POLQ: variants seen among roughly 807,000 people sequenced by gnomAD.
The protein encoded by POLQ is DNA polymerase theta.
A neutral mutation model predicts 259.2 loss-of-function variants in POLQ; 233 were observed. That is an observed-to-expected ratio of 0.90 (90% CI 0.81 to 1.00). The LOEUF is 1.00. Ranked by LOEUF, POLQ falls within the 50% of genes least tolerant of loss-of-function variation. The pLI is 0.00. For synonymous variants in POLQ, 1,025 were observed against 1,048.8 expected, an observed-to-expected ratio of 0.98 and a Z score of 0.44; for missense variants, 2,871 against 3,051.6, an observed-to-expected ratio of 0.94 and a Z score of 1.39.
intron 12 of POLQ, among the ~76,000 whole-genome samples, chr3:121,508,955 T>C (rs763138079): frequency 9.6e-6 from 1 of 103,836 alleles, no homozygotes; most frequent in African/African-American, 3.5e-5. Context: ...TCACAGAGCA[T>C]TGTCTAATAT....
At chr3:121,531,734 C>T (rs1333194028) in intron 6 of POLQ, among the ~76,000 whole-genome samples, 1 of 151,974 alleles carries the variant, frequency 6.6e-6, no homozygotes, top group East Asian at 1.9e-4. Context: ...AGGGTGGAGG[C>T]ACAGACATGG....
chr3:121,435,248 G>A (rs1387895132), intron 28 of POLQ, among the ~76,000 whole-genome samples: 1 of 152,000 alleles, frequency 6.6e-6, no homozygotes, highest in East Asian at 1.9e-4. Context: ...GAATGTGACA[G>A]AAGAAAAAAA....
chr3:121,521,823 G>A (rs1223665563), intron 8 of POLQ, 180 bp downstream of exon 8: 31 of 361,146 alleles, frequency 8.6e-5, no homozygotes, highest in Admixed American at 6.3e-4. Context: ...CACTTGCTTC[G>A]GCCTCCCAAA....
Position 121,529,730 on chromosome 3 carries a change from T to C in POLQ, c.1023A>G (p.Leu341=). The change falls in exon 7 of 30, where the codon TTA becomes TTG. Residue 341 remains leucine (L), a synonymous_variant. Transcript: ENST00000264233. Reference sequence around the variant, plus strand: ...ACCATTTCTTTGATGGACAAAAAAGTAATACTGAATGGTTATCACAAATCG... The same window carrying C: ...ACCATTTCTTTGATGGACAAAAAAGCAATACTGAATGGTTATCACAAATCG... The part of the protein sequence containing the change: ...YETICDNHSV[L]LFCPSKKWCE... The C allele has an allele frequency of 6.2e-7, 1 of 1,611,620 alleles. No homozygotes were observed. Among genetic ancestry groups the C allele is most frequent in the Non-Finnish European group, 8.5e-7 (1 of 1,177,970 alleles).
chr3:121,471,456 A>G (rs2047882664), intron 22 of POLQ, among the ~76,000 whole-genome samples: 1 of 152,104 alleles, frequency 6.6e-6, no homozygotes, highest in Non-Finnish European at 1.5e-5. Flanking sequence ...AAAAGCAGGA[A>G]CCAGGCTGGG....
At chr3:121,451,445 G>C (rs1012656624) in intron 25 of POLQ, among the ~76,000 whole-genome samples, 62 of 152,320 alleles carry the variant, frequency 4.1e-4, no homozygotes, top group African/African-American at 1.4e-3. Context: ...TTTGATGATG[G>C]TGACGTACAG....
intron 16 of POLQ, 74 bp downstream of exon 16, chr3:121,487,228 G>T: frequency 1.3e-6 from 1 of 784,906 alleles, no homozygotes; most frequent in South Asian, 2.0e-5. Context: ...ATCTAACATT[G>T]AGAAATCTAA....
intron 20 of POLQ, among the ~76,000 whole-genome samples, chr3:121,475,475 A>G (rs2047917945): frequency 6.6e-6 from 1 of 152,236 alleles, no homozygotes; most frequent in Non-Finnish European, 1.5e-5. Context: ...GAATGGCAGT[A>G]TAGGAGAAAA....
chr3:121,510,305 C>T (rs555470034), intron 10 of POLQ, 62 bp from the exon 11 acceptor site: 4 of 1,255,832 alleles, frequency 3.2e-6, no homozygotes, highest in East Asian at 2.3e-5. Context: ...CCACCGGGCG[C>T]GGTGGCTCAT....
chr3:121,522,007 A>G lies in POLQ; in HGVS notation c.1251T>C (p.His417=). 1 of 1,567,052 alleles carries G rather than the reference A, an allele frequency of 6.4e-7. No homozygotes were observed. Reference sequence around the variant, plus strand: ...AACATTATAAATATGAAATACCTGCATGATGAAATGCTACTCCCCATGGTA... The same window carrying G: ...AACATTATAAATATGAAATACCTGCGTGATGAAATGCTACTCCCCATGGTA... ...KTVPWGVAFH[H]AGLTFEERDI... Residue 417 remains histidine (H), a synonymous_variant, in exon 8 of 30, where the codon CAT becomes CAC. Coordinates refer to ENST00000264233, the MANE Select transcript of POLQ (RefSeq NM_199420.4).
At position 121,522,056 on chromosome 3, in the gene POLQ, A is replaced by G. The variant is rs926956110; in HGVS notation, c.1202T>C (p.Leu401Pro). 1 of 1,607,912 alleles carries G rather than the reference A, an allele frequency of 6.2e-7. No individual in the cohort carries two copies. Among genetic ancestry groups the G allele is most frequent in the Non-Finnish European group, 8.5e-7 (1 of 1,176,696 alleles). Residue 401 changes from leucine (L) to proline (P), a missense_variant, in exon 8 of 30, where the codon CTG (leucine) becomes CCG (proline). Transcript: ENST00000264233. ...MDQLRRLPSG[L>P]DSVLQKTVPW... The stretch of plus-strand genomic sequence containing the variant: ...TACAGTTTTCTGTAATACAGAGTCC[A>G]GTCCTGAAGGCAAACGTCTTAACTG...
Position 121,489,673 on chromosome 3 carries a change from C to T in POLQ, c.3258G>A (p.Glu1086=). ...SLCEDPFTLD[E]KKTEFRNSGP... The stretch of plus-strand genomic sequence containing the variant: ...CTGAATTTCTAAATTCCGTTTTCTT[C>T]TCATCTAAGGTAAACGGGTCTTCAC... Residue 1086 remains glutamate (E), a synonymous_variant, in exon 16 of 30, where the codon GAG becomes GAA. Transcript: ENST00000264233. The T allele has an allele frequency of 1.9e-6, 3 of 1,613,936 alleles. No homozygotes were observed. Among genetic ancestry groups the T allele is most frequent in the Non-Finnish European group, 2.5e-6 (3 of 1,179,912 alleles).
chr3:121,453,173 G>A (rs2047695473), intron 25 of POLQ, among the ~76,000 whole-genome samples: 1 of 152,204 alleles, frequency 6.6e-6, no homozygotes. Flanking sequence ...ACCTGCAGCT[G>A]AGGGTCCTGT....
chr3:121,522,635 C>G lies in POLQ; in HGVS notation c.1109-486G>C, dbSNP rs920743294. On this transcript the variant is annotated intron_variant, in intron 7 of 29. Transcript: ENST00000264233. ...TGGAGATCTTTTAAGAATACTGATG[C>G]CTGGTTCTTAATCCTGGACATTGTT... Among the ~76,000 whole-genome samples the G allele has an allele frequency of 2.0e-5, 3 of 152,054 alleles. No homozygotes were observed. In the East Asian group the frequency reaches 5.8e-4, roughly 29 times the overall value.
At chr3:121,434,791 C>T (rs2047529244) in intron 28 of POLQ, among the ~76,000 whole-genome samples, 2 of 152,170 alleles carry the variant, frequency 1.3e-5, no homozygotes, top group Non-Finnish European at 2.9e-5. Context: ...GACCTTTCTG[C>T]CCCATCTCTA....
Position 121,476,527 on chromosome 3 carries a change from C to G in POLQ, c.6405+13G>C. ...AAAATTATGTATCTATATCCCTAGC[C>G]CCATGATACAACCTCAGCGATGTCA... On this transcript the variant is annotated intron_variant, in intron 20 of 29. Transcript: ENST00000264233. The G allele has an allele frequency of 6.3e-7, 1 of 1,595,424 alleles. No individual in the cohort carries two copies. The highest frequency in any genetic ancestry group is 8.6e-7 in the Non-Finnish European group (1 of 1,165,190).
At chr3:121,468,507 G>A in intron 22 of POLQ, 76 bp from the exon 23 acceptor site, 4 of 1,019,044 alleles carry the variant, frequency 3.9e-6, no homozygotes, top group Non-Finnish European at 5.8e-6. Flanking sequence ...TCACATTTCT[G>A]GATTATCTTA....
intron 18 of POLQ, among the ~76,000 whole-genome samples, chr3:121,482,805 T>A (rs1228072632): frequency 6.6e-6 from 1 of 152,208 alleles, no homozygotes; most frequent in East Asian, 1.9e-4. Flanking sequence ...CTTTTGTAGG[T>A]TAAGAATAAA....
intron 9 of POLQ, among the ~76,000 whole-genome samples, chr3:121,513,423 G>A (rs1358340505): frequency 6.6e-6 from 1 of 151,290 alleles, no homozygotes; most frequent in Non-Finnish European, 1.5e-5. Context: ...CCAACATGGT[G>A]AAACCCCGCC....
Sources: allele counts gnomAD v4.1 joint callset (sites outside exome capture counted in the v4.1 genomes callset), GRCh38; gene constraint gnomAD v4.1.1; transcripts MANE v1.5; gene names NCBI Gene and HGNC (gene_info 2026-07-23, HGNC 2026-07-21).